Variants in CTNNA2 observed in about 807,000 individuals in gnomAD.
CTNNA2 encodes catenin alpha-2.
In CTNNA2, 42 loss-of-function variants were observed where a neutral mutation model predicts 101.0. The ratio of observed to expected loss-of-function variants is 0.42; its 90% confidence interval spans 0.32 to 0.54. CTNNA2 has a LOEUF of 0.54. Ranked by LOEUF, CTNNA2 falls within the 20% of genes least tolerant of loss-of-function variation. The probability of loss-of-function intolerance (pLI) is 0.14; values close to 1 mark genes in which losing one functional copy is unlikely to be tolerated. For synonymous variants in CTNNA2, 450 were observed against 456.4 expected, an observed-to-expected ratio of 0.99 and a Z score of 0.18; for missense variants, 871 against 1,223.1, an observed-to-expected ratio of 0.71 and a Z score of 4.29.
At chr2:80,061,503 G>A (rs1327199886) in intron 7 of CTNNA2, among the ~76,000 whole-genome samples, 2 of 151,946 alleles carry the variant, frequency 1.3e-5, no homozygotes, top group Non-Finnish European at 2.9e-5. Flanking sequence ...ATTACTAAAC[G>A]AACCCCCACA....
chr2:79,507,336 C>G (rs1016966671), intron 5 of CTNNA2, among the ~76,000 whole-genome samples: 2 of 152,074 alleles, frequency 1.3e-5, no homozygotes, highest in Non-Finnish European at 1.5e-5. Context: ...GAAGTGGGAA[C>G]TTTTAGAGGT....
In CTNNA2 at chr2:80,118,774, C is replaced by T. The variant is rs189480166; in HGVS notation, c.1056+208977C>T. 2.8e-4 allele frequency among the ~76,000 whole-genome samples: 43 copies of T among 152,262 alleles called. 1 individual carries two copies. The East Asian group carries it at 5.8e-3, about 21-fold the overall frequency. Reference sequence around the variant, plus strand: ...TTTTGAGAAGTAGCAGGCCACAGGTCGGCATCCCCAGGCAGAAAGGCCTGT... The same window carrying T: ...TTTTGAGAAGTAGCAGGCCACAGGTTGGCATCCCCAGGCAGAAAGGCCTGT... On this transcript the variant is annotated intron_variant, in intron 7 of 18. Coordinates refer to ENST00000402739, the MANE Select transcript of CTNNA2 (RefSeq NM_001282597.3).
intron 8 of CTNNA2, among the ~76,000 whole-genome samples, chr2:80,404,649 G>C (rs1678897092): frequency 6.6e-6 from 1 of 152,162 alleles, no homozygotes; most frequent in Non-Finnish European, 1.5e-5. Flanking sequence ...AGGAGCTATT[G>C]ATTCAGAAAT....
At chr2:80,465,581 G>A (rs929127358) in intron 9 of CTNNA2, among the ~76,000 whole-genome samples, 2 of 152,124 alleles carry the variant, frequency 1.3e-5, no homozygotes, top group South Asian at 4.1e-4. Context: ...AGCTTTCTGC[G>A]ATGCTGGTGC....
intron 9 of CTNNA2, 133 bp from the exon 10 acceptor site, chr2:80,544,849 C>A: frequency 1.4e-6 from 1 of 702,208 alleles, no homozygotes; most frequent in Non-Finnish European, 2.3e-6. Flanking sequence ...TACATGAAGG[C>A]CAGGGTACCC....
At chr2:79,862,097 G>A (rs1206786504) in intron 4 of CTNNA2, among the ~76,000 whole-genome samples, 1 of 152,198 alleles carries the variant, frequency 6.6e-6, no homozygotes, top group Admixed American at 6.5e-5. Flanking sequence ...ATTAGCATGA[G>A]CGATAGCAGG....
chr2:79,681,674 A>G (rs749611039), intron 2 of CTNNA2, among the ~76,000 whole-genome samples: 3 of 152,226 alleles, frequency 2.0e-5, no homozygotes, highest in Non-Finnish European at 4.4e-5. Flanking sequence ...AAATGAAACC[A>G]TCTCTTAAGA....
At chr2:80,504,819 G>T (rs1424044766) in intron 9 of CTNNA2, among the ~76,000 whole-genome samples, 3 of 152,182 alleles carry the variant, frequency 2.0e-5, no homozygotes, top group African/African-American at 7.2e-5. Context: ...TAAACACGTG[G>T]CCTGTGGCTC....
At chr2:79,787,342 A>C (rs1297264069) in intron 3 of CTNNA2, among the ~76,000 whole-genome samples, 1 of 152,066 alleles carries the variant, frequency 6.6e-6, no homozygotes, top group Non-Finnish European at 1.5e-5. Context: ...CAATTAGGGG[A>C]GCCCAGTGAG....
intron 1 of CTNNA2, among the ~76,000 whole-genome samples, chr2:79,551,485 C>A (rs1365528819): frequency 6.6e-6 from 1 of 152,132 alleles, no homozygotes; most frequent in Non-Finnish European, 1.5e-5. Context: ...ACATTTGTCT[C>A]AGGTGAGAGC....
chr2:80,171,931 C>A (rs531150239), intron 7 of CTNNA2, among the ~76,000 whole-genome samples: 1 of 152,298 alleles, frequency 6.6e-6, no homozygotes, highest in South Asian at 2.1e-4. Context: ...ATGTGTTCAT[C>A]TTTACTAAAA....
chr2:80,259,860 A>T (rs1558948488), intron 7 of CTNNA2, among the ~76,000 whole-genome samples: 1 of 152,212 alleles, frequency 6.6e-6, no homozygotes, highest in Non-Finnish European at 1.5e-5. Flanking sequence ...TGTCTAAGTT[A>T]CAAAGCTGAT....
At chr2:79,653,579 G>T (rs1040414012) in intron 2 of CTNNA2, among the ~76,000 whole-genome samples, 1 of 152,020 alleles carries the variant, frequency 6.6e-6, no homozygotes, top group African/African-American at 2.4e-5. Flanking sequence ...ATCCTTATAT[G>T]GCACTAGGAA....
intron 7 of CTNNA2, among the ~76,000 whole-genome samples, chr2:80,327,331 C>T (rs917328610): frequency 1.1e-4 from 17 of 152,160 alleles, no homozygotes; most frequent in Admixed American, 3.9e-4. Flanking sequence ...GGACATGGGA[C>T]GGACACAGGA....
At chr2:79,435,752 G>A (rs1204201294) in intron 4 of CTNNA2, among the ~76,000 whole-genome samples, 1 of 152,022 alleles carries the variant, frequency 6.6e-6, no homozygotes, top group Non-Finnish European at 1.5e-5. Flanking sequence ...ATGCAGGAGA[G>A]GGTAGGCAGC....
chr2:79,860,345 C>T (rs1364078404), intron 4 of CTNNA2, among the ~76,000 whole-genome samples: 2 of 152,000 alleles, frequency 1.3e-5, no homozygotes, highest in Non-Finnish European at 2.9e-5. Context: ...GCTGAATATC[C>T]TTGCTGAACT....
At chr2:79,769,589 G>A (rs1673425929) in intron 3 of CTNNA2, among the ~76,000 whole-genome samples, 1 of 152,126 alleles carries the variant, frequency 6.6e-6, no homozygotes, top group Non-Finnish European at 1.5e-5. Context: ...CTGTCATTGT[G>A]CCTATCCAAT....
At chr2:79,847,217 A>G (rs543111620) in intron 3 of CTNNA2, among the ~76,000 whole-genome samples, 3 of 152,294 alleles carry the variant, frequency 2.0e-5, no homozygotes, top group African/African-American at 7.2e-5. Flanking sequence ...AGAGCGTATC[A>G]AAGACCAAAT....
In CTNNA2 at chr2:80,101,674, C is replaced by T. The variant is rs143238641; in HGVS notation, c.1056+191877C>T. ...GGGATGCTTGCTTTACATCTGTCCTCTGCAGCAGAGGCGGATCATGGCAAG... is the reference window on the plus strand; with the variant it reads ...GGGATGCTTGCTTTACATCTGTCCTTTGCAGCAGAGGCGGATCATGGCAAG... On this transcript the variant is annotated intron_variant, in intron 7 of 18. Coordinates refer to ENST00000402739, the MANE Select transcript of CTNNA2 (RefSeq NM_001282597.3). Among the ~76,000 whole-genome samples, 39 of 152,332 alleles carry T rather than the reference C, an allele frequency of 2.6e-4. No homozygotes were observed. The East Asian group carries it at 7.3e-3, about 29-fold the overall frequency.
Sources: gnomAD v4.1 joint callset for allele counts (sites outside exome capture counted in the v4.1 genomes callset) on GRCh38, gnomAD v4.1.1 for gene constraint, MANE v1.5 for transcripts, NCBI Gene and HGNC (gene_info 2026-07-23, HGNC 2026-07-21) for gene names.